The following TLK1 variants were observed in gnomAD, a reference collection of about 807,000 sequenced individuals.
TLK1 encodes tousled like kinase 1, also known as serine/threonine-protein kinase tousled-like 1.
TLK1 carries 24 observed loss-of-function variants against 105.3 expected under a neutral mutation model. The observed-to-expected ratio is 0.23, with a 90% CI of 0.17 to 0.32. The LOEUF is 0.32. Among genes scored for constraint, TLK1 ranks in the 10% least tolerant of loss-of-function variants. The probability of loss-of-function intolerance (pLI) is 1.00; values close to 1 mark genes in which losing one functional copy is unlikely to be tolerated. For missense variants in TLK1, 558 were observed against 910.5 expected (o/e 0.61, Z 4.98); for synonymous variants, 321 against 310.4 (o/e 1.03, Z -0.36).
upstream of TLK1, among the ~76,000 whole-genome samples, chr2:171,161,127 G>A (rs1692485596): frequency 6.8e-6 from 1 of 147,742 alleles, no homozygotes. Flanking sequence ...TCGCCGCGCG[G>A]CGCGGGAGCC....
In TLK1 at chr2:171,072,856, G is replaced by T. The variant is rs150830833; in HGVS notation, c.330+9925C>A. On this transcript the variant is annotated intron_variant, in intron 3 of 20. Coordinates refer to ENST00000431350, the MANE Select transcript of TLK1 (RefSeq NM_012290.5). Reference sequence around the variant, plus strand: ...AGGCAGGAGAATTGCTTGAACCGGGGAGGTGGTGGTTGCAGTGAGCTGAGA... The same window carrying T: ...AGGCAGGAGAATTGCTTGAACCGGGTAGGTGGTGGTTGCAGTGAGCTGAGA... 1.3e-3 allele frequency among the ~76,000 whole-genome samples: 194 copies of T among 150,884 alleles called. 1 individual carries two copies. Among genetic ancestry groups the T allele is most frequent in the African/African-American group, 4.4e-3 (180 of 41,194 alleles).
chr2:171,092,322 A>G (rs1689271498), intron 2 of TLK1, among the ~76,000 whole-genome samples: 1 of 152,236 alleles, frequency 6.6e-6, no homozygotes, highest in Non-Finnish European at 1.5e-5. Context: ...AGACTTGTCC[A>G]TCAATGACAT....
chr2:171,156,300 T>C (rs1421115186), intron 1 of TLK1, among the ~76,000 whole-genome samples: 2 of 152,210 alleles, frequency 1.3e-5, no homozygotes, highest in Non-Finnish European at 2.9e-5. Flanking sequence ...TATAAAACAA[T>C]GCCACTGGTC....
At chr2:171,028,704 A>G (rs1357066172) in intron 11 of TLK1, among the ~76,000 whole-genome samples, 3 of 152,258 alleles carry the variant, frequency 2.0e-5, no homozygotes, top group Non-Finnish European at 4.4e-5. Flanking sequence ...CAATGTTTTA[A>G]TGAGTACCAT....
At position 171,196,584 on chromosome 2, in the gene TLK1, G is replaced by A. The variant is rs60369254; in HGVS notation, c.-6+34561C>T. Among the ~76,000 whole-genome samples the A allele has an allele frequency of 0.01, 1,559 of 152,188 alleles. 147 individuals are homozygous for A. The East Asian group carries it at 0.2, about 20-fold the overall frequency. On this transcript the variant is annotated intron_variant, in intron 1 of 20. Transcript: ENST00000521943. ...ATATCTATATGTTTTTTCTATGTCC[G>A]CTCTCGCAACCCCTTCCCAGCTACA... is the stretch of plus-strand genomic sequence containing the variant.
In TLK1 at chr2:170,993,690, A is replaced by G; in HGVS notation, c.*90T>C. On this transcript the variant is annotated 3_prime_UTR_variant, in exon 21 of 21. Coordinates refer to ENST00000431350, the MANE Select transcript of TLK1 (RefSeq NM_012290.5). ...GTGTAAAAAAAAAAAAAAAAAAAAA[A>G]GAAAAAGAAAACAAACACTCAAATG... 1.1e-6 allele frequency: 1 copy of G among 940,774 alleles called. No homozygotes were observed. The highest frequency in any genetic ancestry group is 1.4e-6 in the Non-Finnish European group (1 of 696,600). 58.3% of individuals were successfully genotyped at this position (940,774 alleles called of 1,614,324 possible).
At chr2:171,143,242 G>GT (rs1691657093) in intron 1 of TLK1, among the ~76,000 whole-genome samples, 2 of 151,004 alleles carry the variant, frequency 1.3e-5, no homozygotes, top group African/African-American at 4.9e-5. Flanking sequence ...CCTTATCTCA[G>GT]TTTCATCAAA....
intron 2 of TLK1, among the ~76,000 whole-genome samples, chr2:171,116,582 C>T (rs1470693666): frequency 6.6e-6 from 1 of 151,958 alleles, no homozygotes; most frequent in Admixed American, 6.6e-5. Flanking sequence ...CACCTGTAAT[C>T]CCAGCTACTT....
intron 1 of TLK1, among the ~76,000 whole-genome samples, chr2:171,191,632 G>C (rs910366220): frequency 6.6e-6 from 1 of 152,108 alleles, no homozygotes; most frequent in African/African-American, 2.4e-5. Flanking sequence ...GCCAGGAGAG[G>C]GCCTTGGGAG....
intron 1 of TLK1, among the ~76,000 whole-genome samples, chr2:171,153,649 C>T (rs925055860): frequency 1.1e-4 from 16 of 152,288 alleles, no homozygotes; most frequent in Admixed American, 3.3e-4. Context: ...ACAGACAATC[C>T]TGTGAGACAC....
At chr2:171,055,868 T>C (rs1312389482) in intron 6 of TLK1, among the ~76,000 whole-genome samples, 1 of 152,090 alleles carries the variant, frequency 6.6e-6, no homozygotes, top group Non-Finnish European at 1.5e-5. Context: ...AATTCCTCTT[T>C]AAATTACTGA....
At chr2:171,017,306 A>G (rs2105376649) in intron 12 of TLK1, among the ~76,000 whole-genome samples, 1 of 152,324 alleles carries the variant, frequency 6.6e-6, no homozygotes, top group East Asian at 1.9e-4. Flanking sequence ...TCATGTTACT[A>G]ATGTTTGCTG....
chr2:171,147,398 A>T (rs144844892), intron 1 of TLK1, among the ~76,000 whole-genome samples: 2 of 152,216 alleles, frequency 1.3e-5, no homozygotes, highest in African/African-American at 4.8e-5. Context: ...CAGTAAGCCA[A>T]ATCTTTGAAA....
At chr2:171,101,270 C>CAGG (rs879823969) in intron 2 of TLK1, among the ~76,000 whole-genome samples, 5,542 of 142,046 alleles carry the variant, frequency 0.039, 404 homozygotes, top group East Asian at 0.3. Context: ...CACTTGAACC[C>CAGG]AGAAGGTGGA....
At chr2:171,042,143 A>T (rs1262043937) in intron 11 of TLK1, among the ~76,000 whole-genome samples, 1 of 152,254 alleles carries the variant, frequency 6.6e-6, no homozygotes, top group African/African-American at 2.4e-5. Context: ...TTAGACTATA[A>T]TTAAAGCTGT....
intron 1 of TLK1, among the ~76,000 whole-genome samples, chr2:171,188,007 G>T (rs527974655): frequency 6.6e-6 from 1 of 152,158 alleles, no homozygotes; most frequent in African/African-American, 2.4e-5. Flanking sequence ...AGTCATGGGA[G>T]GGGCAAGGAG....
At chr2:170,999,862 G>A (rs985057924) in intron 18 of TLK1, among the ~76,000 whole-genome samples, 9 of 151,952 alleles carry the variant, frequency 5.9e-5, no homozygotes, top group Non-Finnish European at 8.8e-5. Context: ...AGCCTCAAGC[G>A]ATTCTCCCAC....
At chr2:171,038,835 C>T (rs1201565551) in intron 11 of TLK1, among the ~76,000 whole-genome samples, 3 of 152,106 alleles carry the variant, frequency 2.0e-5, no homozygotes. Context: ...TCCATTGGTT[C>T]AAGTTTGCCA....
chr2:171,228,206 G>A (rs1206094235), intron 1 of TLK1, among the ~76,000 whole-genome samples: 1 of 151,996 alleles, frequency 6.6e-6, no homozygotes, highest in Non-Finnish European at 1.5e-5. Flanking sequence ...AAAGAACATT[G>A]ACCTTTTCCT....
Sources: allele counts gnomAD v4.1 joint callset (sites outside exome capture counted in the v4.1 genomes callset), GRCh38; gene constraint gnomAD v4.1.1; transcripts MANE v1.5; gene names NCBI Gene and HGNC (gene_info 2026-07-23, HGNC 2026-07-21).